Variants in FAT4 observed in about 807,000 individuals in gnomAD.
The protein encoded by FAT4 is protocadherin Fat 4.
A neutral mutation model predicts 303.9 loss-of-function variants in FAT4; 84 were observed. The ratio of observed to expected loss-of-function variants is 0.28; its 90% CI spans 0.23 to 0.33. FAT4 has a LOEUF of 0.33. FAT4 is among the 10% of genes least tolerant of loss of function. FAT4 has a pLI of 1.00. For synonymous variants in FAT4, 2,307 were observed against 2,298.8 expected, an observed-to-expected ratio of 1.00 and a Z score of -0.10; for missense variants, 6,005 against 6,146.8, an observed-to-expected ratio of 0.98 and a Z score of 0.77.
At chr4:125,459,386 GC>G (rs926536762) in intron 10 of FAT4, among the ~76,000 whole-genome samples, 2 of 151,942 alleles carry the variant, frequency 1.3e-5, no homozygotes, top group African/African-American at 4.8e-5. Context: ...CACATCTTCT[GC>G]CCCCAAACAT....
intron 2 of FAT4, among the ~76,000 whole-genome samples, chr4:125,354,267 A>G (rs1732344721): frequency 6.6e-6 from 1 of 151,904 alleles, no homozygotes; most frequent in African/African-American, 2.4e-5. Flanking sequence ...AAGTTTTAAT[A>G]TAAGGGATTT....
chr4:125,449,574 C>A lies in FAT4; in HGVS notation c.8564C>A (p.Thr2855Asn). The change falls in exon 10 of 18, where the codon ACT becomes AAT. Residue 2855 changes from threonine (T) to asparagine (N), a missense_variant. Thr to Asn is a moderately conservative substitution (Grantham distance 65). Transcript: ENST00000394329. ...GTTTCCGCACATGATTCTGGGTGGA[C>A]TGTAAGTACAGATGTCACAATATTT... ...IRVSAHDSGW[T>N]VSTDVTIFVT... The A allele has an allele frequency of 6.2e-7, 1 of 1,613,578 alleles. No individual in the cohort carries two copies. The highest frequency in any genetic ancestry group is 8.5e-7 in the Non-Finnish European group (1 of 1,179,662).
Position 125,492,590 on chromosome 4 carries a change from A to G in FAT4, c.*822A>G, listed in dbSNP as rs553121894. The G allele has an allele frequency of 1.3e-5, 2 of 152,696 alleles. No homozygotes were observed. Among genetic ancestry groups the G allele is most frequent in the South Asian group, 4.1e-4 (2 of 4,830 alleles). The allele number at this position is 152,696 out of a possible 1,614,324, so 9.5% of individuals were successfully genotyped here. On this transcript the variant is annotated 3_prime_UTR_variant, in exon 18 of 18. Coordinates refer to ENST00000394329, the MANE Select transcript of FAT4 (RefSeq NM_001291303.3). ...AATATTTTAAAGAATTGACCTAAGG[A>G]AAGCTTATGATTGGACTTATTTTCC...
chr4:125,429,913 A>G (rs1725224195), intron 7 of FAT4, among the ~76,000 whole-genome samples: 1 of 152,168 alleles, frequency 6.6e-6, no homozygotes, highest in African/African-American at 2.4e-5. Flanking sequence ...AGCACTTCAA[A>G]TAGGATGTAT....
At chr4:125,383,457 A>G (rs981550816) in intron 2 of FAT4, among the ~76,000 whole-genome samples, 9 of 152,256 alleles carry the variant, frequency 5.9e-5, no homozygotes, top group South Asian at 2.1e-4. Context: ...ACTGTCTTAT[A>G]TGGGTGCAGC....
intron 15 of FAT4, 114 bp from the exon 16 acceptor site, chr4:125,481,407 T>G (rs1727220787): frequency 4.9e-6 from 4 of 822,668 alleles, no homozygotes; most frequent in Non-Finnish European, 7.6e-6. Context: ...TGGGGGACAT[T>G]AATTCCCAAA....
At chr4:125,475,040 T>A (rs886615033) in intron 12 of FAT4, among the ~76,000 whole-genome samples, 2 of 152,102 alleles carry the variant, frequency 1.3e-5, no homozygotes, top group Non-Finnish European at 2.9e-5. Flanking sequence ...ATTAACCCTG[T>A]CTGTGGCATT....
chr4:125,405,674 A>T (rs1022199466), intron 3 of FAT4, among the ~76,000 whole-genome samples: 3 of 150,428 alleles, frequency 2.0e-5, no homozygotes, highest in Non-Finnish European at 4.4e-5. Context: ...AATGTTTTGA[A>T]TTTTTTTTTA....
intron 5 of FAT4, among the ~76,000 whole-genome samples, chr4:125,412,469 T>C (rs542332097): frequency 2.1e-4 from 32 of 152,024 alleles, no homozygotes; most frequent in African/African-American, 7.7e-4. Flanking sequence ...ATATTTGTCA[T>C]TATGTATTTG....
chr4:125,350,594 C>G (rs1023816083), intron 2 of FAT4, among the ~76,000 whole-genome samples: 19 of 151,700 alleles, frequency 1.3e-4, no homozygotes, highest in Admixed American at 4.6e-4. Flanking sequence ...TACTGAGTTT[C>G]TCATTCAGTC....
At chr4:125,325,432 T>C (rs1731113923) in intron 2 of FAT4, among the ~76,000 whole-genome samples, 1 of 152,190 alleles carries the variant, frequency 6.6e-6, no homozygotes, top group African/African-American at 2.4e-5. Context: ...TATATTGTTG[T>C]TTTCCTGGAA....
chr4:125,328,656 G>A (rs767512140), intron 2 of FAT4, among the ~76,000 whole-genome samples: 4 of 152,118 alleles, frequency 2.6e-5, no homozygotes, highest in East Asian at 1.9e-4. Flanking sequence ...TATATAAATC[G>A]TTTATGTTAT....
At chr4:125,399,379 A>ATTATT (rs1417087905) in intron 3 of FAT4, among the ~76,000 whole-genome samples, 1 of 152,004 alleles carries the variant, frequency 6.6e-6, no homozygotes, top group Non-Finnish European at 1.5e-5. Context: ...TTATGTTTCA[A>ATTATT]ATGGCATGGA....
Position 125,399,114 on chromosome 4 carries a change from C to T in FAT4, c.5307+199C>T, listed in dbSNP as rs749019390. 9.9e-5 allele frequency among the ~76,000 whole-genome samples: 15 copies of T among 152,042 alleles called. No homozygotes were observed. In the East Asian group the frequency reaches 1.3e-3, roughly 14 times the overall value. On this transcript the variant is annotated intron_variant, in intron 3 of 17. Transcript: ENST00000394329. ...TATCAAGAGGTAATTTTCCTCTGAT[C>T]AGCAATCCACAACTCACTTGCTGCT...
intron 9 of FAT4, among the ~76,000 whole-genome samples, chr4:125,447,062 G>C (rs1725851494): frequency 6.6e-6 from 1 of 151,854 alleles, no homozygotes; most frequent in Non-Finnish European, 1.5e-5. Flanking sequence ...TTTTATTCCA[G>C]GTTTTACAAA....
intron 14 of FAT4, among the ~76,000 whole-genome samples, chr4:125,478,028 T>C (rs982753436): frequency 6.6e-6 from 1 of 152,168 alleles, no homozygotes; most frequent in Admixed American, 6.5e-5. Flanking sequence ...GAATGTGCTA[T>C]ATTTTAACTG....
chr4:125,344,083 C>G (rs1227739783), intron 2 of FAT4, among the ~76,000 whole-genome samples: 8 of 152,074 alleles, frequency 5.3e-5, no homozygotes, highest in Non-Finnish European at 2.9e-5. Context: ...CATCTTATAA[C>G]TCAATTACTA....
Position 125,416,570 on chromosome 4 carries a change from G to A in FAT4, c.6966G>A (p.Leu2322=). 1 of 1,613,920 alleles carries A rather than the reference G, an allele frequency of 6.2e-7. No homozygotes were observed. Among genetic ancestry groups the A allele is most frequent in the Non-Finnish European group, 8.5e-7 (1 of 1,179,890 alleles). ...GAGAACTTGGAGTAACACAGAGTCTGGATCGGGAAACAAAAGAGCGCTTTG... is the reference window on the plus strand; with the variant it reads ...GAGAACTTGGAGTAACACAGAGTCTAGATCGGGAAACAAAAGAGCGCTTTG... ...ASGELGVTQS[L]DRETKERFVL... is the part of the protein sequence containing the mutation. The change falls in exon 7 of 18, where the codon CTG becomes CTA. Residue 2322 remains leucine (L), a synonymous_variant. Coordinates refer to ENST00000394329, the MANE Select transcript of FAT4 (RefSeq NM_001291303.3).
chr4:125,475,158 C>T (rs2062996), intron 12 of FAT4, among the ~76,000 whole-genome samples: 7,389 of 152,188 alleles, frequency 0.049, 204 homozygotes, highest in East Asian at 0.062. Flanking sequence ...TGGCACTACA[C>T]TCCATCCTTC....
Sources: gnomAD v4.1 joint callset for allele counts (sites outside exome capture counted in the v4.1 genomes callset) on GRCh38, gnomAD v4.1.1 for gene constraint, MANE v1.5 for transcripts, NCBI Gene and HGNC (gene_info 2026-07-23, HGNC 2026-07-21) for gene names.